The following ADCY10 variants were observed in gnomAD, a reference collection of about 807,000 sequenced individuals.
ADCY10 encodes the protein adenylate cyclase type 10.
In ADCY10, 156 loss-of-function variants were observed where a neutral mutation model predicts 183.3. That is an observed-to-expected ratio of 0.85 (90% CI 0.75 to 0.97). ADCY10 has a LOEUF of 0.97. Among genes scored for constraint, ADCY10 ranks in the 50% least tolerant of loss-of-function variants. The pLI is 0.00. For synonymous variants in ADCY10, 645 were observed against 670.0 expected, an observed-to-expected ratio of 0.96 and a Z score of 0.58; for missense variants, 1,745 against 1,934.3, an observed-to-expected ratio of 0.90 and a Z score of 1.84.
intron 18 of ADCY10, among the ~76,000 whole-genome samples, chr1:167,852,482 A>G (rs1665574187): frequency 6.6e-6 from 1 of 152,170 alleles, no homozygotes; most frequent in South Asian, 2.1e-4. Flanking sequence ...ATAAACATTT[A>G]TTGAACAAGT....
rs141557062 is a variant in ADCY10, at chr1:167,833,594, A to C, written c.3417+376T>G. On this transcript the variant is annotated intron_variant, in intron 24 of 32. Transcript: ENST00000367851. ...AACCCCATCTCTACTAAAATACAAAAATTAGCTGGGCGTGGTGGCGCATGC... is the reference window on the plus strand; with the variant it reads ...AACCCCATCTCTACTAAAATACAAACATTAGCTGGGCGTGGTGGCGCATGC... Among the ~76,000 whole-genome samples, 751 of 152,134 alleles carry C rather than the reference A, an allele frequency of 4.9e-3. 6 individuals are homozygous for C. Among genetic ancestry groups the C allele is most frequent in the African/African-American group, 0.017 (721 of 41,492 alleles).
intron 24 of ADCY10, 148 bp from the exon 25 acceptor site, chr1:167,833,310 T>C: frequency 3.9e-6 from 3 of 764,412 alleles, no homozygotes; most frequent in African/African-American, 1.7e-5. Flanking sequence ...CCTGGCATAA[T>C]AGAAAATGTC....
At chr1:167,877,628 G>C (rs902126071) in intron 12 of ADCY10, among the ~76,000 whole-genome samples, 4 of 152,140 alleles carry the variant, frequency 2.6e-5, no homozygotes, top group Non-Finnish European at 4.4e-5. Context: ...AGTGAAAACT[G>C]TAGGAAGTGA....
rs140046140 is a variant in ADCY10 at position 167,847,780 on chromosome 1, A to G, written c.2437+581T>C. Among the ~76,000 whole-genome samples the G allele has an allele frequency of 4.4e-4, 67 of 152,344 alleles. 1 individual carries two copies. In the East Asian group the frequency reaches 0.012, roughly 27 times the overall value. On this transcript the variant is annotated intron_variant, in intron 19 of 32. Coordinates refer to ENST00000367851, the MANE Select transcript of ADCY10 (RefSeq NM_018417.6). ...TTTCTTTCTCATAAAAGTGGATGAC[A>G]GGAAGTATCTCAGTATTAGATTTTC...
intron 18 of ADCY10, among the ~76,000 whole-genome samples, chr1:167,850,150 T>C (rs980991962): frequency 6.6e-6 from 1 of 151,972 alleles, no homozygotes; most frequent in African/African-American, 2.4e-5. Flanking sequence ...GGGAAGACTA[T>C]GTAAGGAGCT....
intron 23 of ADCY10, among the ~76,000 whole-genome samples, chr1:167,835,408 T>A (rs954068961): frequency 2.6e-5 from 4 of 152,220 alleles, no homozygotes; most frequent in African/African-American, 9.6e-5. Flanking sequence ...TAACAATGAA[T>A]TCTGTTTATT....
chr1:167,879,395 C>T (rs1667717913), intron 11 of ADCY10, among the ~76,000 whole-genome samples: 1 of 152,084 alleles, frequency 6.6e-6, no homozygotes, highest in Non-Finnish European at 1.5e-5. Flanking sequence ...TTAACATAAA[C>T]TTGAATACTT....
chr1:167,834,105 T>C, intron 23 of ADCY10, 28 bp from the exon 24 acceptor site: 1 of 1,567,104 alleles, frequency 6.4e-7, no homozygotes, highest in Non-Finnish European at 8.8e-7. Context: ...AGTAGAAAAG[T>C]GTTGATTCAG....
intron 18 of ADCY10, 58 bp downstream of exon 18, chr1:167,854,295 A>C (rs1571310864): frequency 6.2e-7 from 1 of 1,611,840 alleles, no homozygotes; most frequent in African/African-American, 1.3e-5. Flanking sequence ...ACCTTCTCTG[A>C]ATGAAGACTT....
At chr1:167,846,960 C>T (rs1025768266) in intron 19 of ADCY10, among the ~76,000 whole-genome samples, 3 of 151,438 alleles carry the variant, frequency 2.0e-5, no homozygotes, top group Admixed American at 6.6e-5. Flanking sequence ...GAGTCTCACT[C>T]TTGTTGCCCA....
rs1034465 is a variant in ADCY10, at chr1:167,837,476, G to A, written c.3008-158C>T. On this transcript the variant is annotated intron_variant, in intron 21 of 32. Coordinates refer to ENST00000367851, the MANE Select transcript of ADCY10 (RefSeq NM_018417.6). ...CCCATTGTATCTTAGGTGAAGCCAC[G>A]TGATGAGTTCTCACAATAGAATTAG... 0.46 allele frequency among the ~76,000 whole-genome samples: 69,259 copies of A among 152,150 alleles called. 17,862 individuals are homozygous for A. The highest frequency in any genetic ancestry group is 0.72 in the African/African-American group (29,753 of 41,488).
chr1:167,855,653 CAG>C (rs1410680640), intron 17 of ADCY10, among the ~76,000 whole-genome samples: 1 of 152,190 alleles, frequency 6.6e-6, no homozygotes, highest in African/African-American at 2.4e-5. Context: ...GAAGGCGTAA[CAG>C]GGAGGCAACA....
At chr1:167,813,409 C>T (rs559246131) in intron 31 of ADCY10, among the ~76,000 whole-genome samples, 8 of 151,742 alleles carry the variant, frequency 5.3e-5, no homozygotes, top group African/African-American at 9.7e-5. Flanking sequence ...TCAGCAAAAG[C>T]GTCCTTCGAA....
intron 12 of ADCY10, among the ~76,000 whole-genome samples, chr1:167,875,884 G>C (rs756141871): frequency 6.6e-6 from 1 of 151,462 alleles, no homozygotes; most frequent in Non-Finnish European, 1.5e-5. Context: ...ACCCGGGAGG[G>C]GGAGCTTGCA....
chr1:167,902,116 A>C lies in ADCY10; in HGVS notation c.254-62T>G, dbSNP rs1669476248. The C allele has an allele frequency of 4.7e-6, 7 of 1,484,370 alleles. No homozygotes were observed. The South Asian group carries it at 6.8e-5, about 14-fold the overall frequency. 91.9% of individuals were successfully genotyped at this position (1,484,370 alleles called of 1,614,324 possible). On this transcript the variant is annotated intron_variant, in intron 3 of 32. Transcript: ENST00000367851. ...TCCTTAAAGGTAGTAAAAAAACATC[A>C]TTCTTTCTTAGTGGAATAGAAACTA...
chr1:167,863,398 C>T (rs1666431788), intron 14 of ADCY10, among the ~76,000 whole-genome samples: 1 of 152,124 alleles, frequency 6.6e-6, no homozygotes, highest in African/African-American at 2.4e-5. Context: ...CAATCGATCA[C>T]GACCCTCTCA....
chr1:167,829,933 T>A (rs1663587228), intron 25 of ADCY10, among the ~76,000 whole-genome samples: 1 of 152,170 alleles, frequency 6.6e-6, no homozygotes, highest in Non-Finnish European at 1.5e-5. Flanking sequence ...AGGAACTACT[T>A]CTCAGCTCAA....
Position 167,831,347 on chromosome 1 carries a change from G to T in ADCY10, c.3593+1640C>A, listed in dbSNP as rs562490934. Among the ~76,000 whole-genome samples, 73 of 152,096 alleles carry T rather than the reference G, an allele frequency of 4.8e-4. 4 individuals are homozygous for T. The South Asian group carries it at 0.015, about 31-fold the overall frequency. On this transcript the variant is annotated intron_variant, in intron 25 of 32. Transcript: ENST00000367851. ...TGGGATTACAGGTGCACGCCACCAC[G>T]CCTGGCTAAATTTTTTCTGTATTTT...
Position 167,845,615 on chromosome 1 carries a change from G to T in ADCY10, c.2955C>A (p.Asn985Lys). 1 of 1,614,232 alleles carries T rather than the reference G, an allele frequency of 6.2e-7. No homozygotes were observed. Among genetic ancestry groups the T allele is most frequent in the Non-Finnish European group, 8.5e-7 (1 of 1,180,034 alleles). Reference protein sequence around the residue: ...YHHFTVNIRLNALDMDAIKKM... With the variant: ...YHHFTVNIRLKALDMDAIKKM... ...TTTTAATGGCATCCATGTCTAAAGCGTTGAGCCGAATATTCACTGTGAAGT... is the reference window on the plus strand; with the variant it reads ...TTTTAATGGCATCCATGTCTAAAGCTTTGAGCCGAATATTCACTGTGAAGT... The change falls in exon 21 of 33, where the codon AAC becomes AAA. Residue 985 changes from asparagine (N) to lysine (K), a missense_variant. By Grantham distance (94) the Asn-to-Lys change is moderately conservative. Transcript: ENST00000367851.
Sources: allele counts gnomAD v4.1 joint callset (sites outside exome capture counted in the v4.1 genomes callset), GRCh38; gene constraint gnomAD v4.1.1; transcripts MANE v1.5; gene names NCBI Gene and HGNC (gene_info 2026-07-23, HGNC 2026-07-21).